The following IL12RB2 variants were observed in gnomAD, a reference collection of about 807,000 sequenced individuals.
The protein encoded by IL12RB2 is interleukin 12 receptor subunit beta 2, also known as interleukin-12 receptor subunit beta-2.
IL12RB2 carries 82 observed loss-of-function variants against 89.4 expected under a neutral mutation model. That is an observed-to-expected ratio of 0.92 (90% confidence interval 0.77 to 1.10). IL12RB2 has a LOEUF of 1.10. Among genes scored for constraint, IL12RB2 ranks in the 50% least tolerant of loss-of-function variants. The probability of loss-of-function intolerance (pLI) is 0.00; values close to 1 mark genes in which losing one functional copy is unlikely to be tolerated. For missense variants in IL12RB2, 963 were observed against 1,031.9 expected (o/e 0.93, Z 0.92); for synonymous variants, 368 against 370.1 (o/e 0.99, Z 0.07).
chr1:67,364,957 C>T (rs1662516524), intron 10 of IL12RB2, among the ~76,000 whole-genome samples: 1 of 152,176 alleles, frequency 6.6e-6, no homozygotes, highest in South Asian at 2.1e-4. Context: ...CATGCAATGT[C>T]CGCTCCCAGA....
chr1:67,374,009 A>C (rs959961790), intron 13 of IL12RB2, among the ~76,000 whole-genome samples: 2 of 152,166 alleles, frequency 1.3e-5, no homozygotes, highest in African/African-American at 4.8e-5. Context: ...TAGAAAGAAA[A>C]TTCGTCTTCC....
chr1:67,380,987 A>C (rs1406949502), intron 14 of IL12RB2, among the ~76,000 whole-genome samples: 1 of 152,228 alleles, frequency 6.6e-6, no homozygotes, highest in Non-Finnish European at 1.5e-5. Context: ...GGACTTCAAC[A>C]TACAAATTTG....
chr1:67,385,586 T>C lies in IL12RB2; in HGVS notation c.1856-993T>C, dbSNP rs543552943. On this transcript the variant is annotated intron_variant, in intron 14 of 16. Coordinates refer to ENST00000674203, the MANE Select transcript of IL12RB2 (RefSeq NM_001374259.2). ...TTCTTTAGACAGCAGAGCCATGTCC[T>C]ATTTATCTTTGTATCCCAGCACCTA... is the stretch of plus-strand genomic sequence containing the variant. Among the ~76,000 whole-genome samples the C allele has an allele frequency of 2.6e-5, 4 of 152,364 alleles. No individual in the cohort carries two copies. In the South Asian group the frequency reaches 8.3e-4, roughly 32 times the overall value.
intron 9 of IL12RB2, among the ~76,000 whole-genome samples, chr1:67,346,941 G>GTAAC (rs1473041385): frequency 2.0e-5 from 3 of 152,124 alleles, no homozygotes; most frequent in African/African-American, 4.8e-5. Context: ...TTACTTTAGA[G>GTAAC]TAACTGAGAG....
At chr1:67,310,909 C>A (rs1395747320) in intron 1 of IL12RB2, among the ~76,000 whole-genome samples, 1 of 151,994 alleles carries the variant, frequency 6.6e-6, no homozygotes, top group Non-Finnish European at 1.5e-5. Context: ...ATTTTTAGTA[C>A]AGACGGAGTT....
chr1:67,345,649 C>A (rs993594292), intron 9 of IL12RB2, among the ~76,000 whole-genome samples: 4 of 152,188 alleles, frequency 2.6e-5, no homozygotes, highest in Non-Finnish European at 4.4e-5. Context: ...ACAAAAGCAG[C>A]AGATGGCACA....
intron 3 of IL12RB2, among the ~76,000 whole-genome samples, chr1:67,321,290 G>T (rs1656482470): frequency 6.6e-6 from 1 of 152,078 alleles, no homozygotes; most frequent in Admixed American, 6.5e-5. Flanking sequence ...AGAGAGGCTG[G>T]TTTTTCCCGG....
At chr1:67,316,794 C>T (rs987161858) in intron 2 of IL12RB2, among the ~76,000 whole-genome samples, 46 of 152,318 alleles carry the variant, frequency 3.0e-4, no homozygotes, top group African/African-American at 9.1e-4. Context: ...GCCCAAGCTT[C>T]GCCTCCTGCA....
At chr1:67,318,518 A>G (rs1211981894) in intron 2 of IL12RB2, among the ~76,000 whole-genome samples, 1 of 152,104 alleles carries the variant, frequency 6.6e-6, no homozygotes, top group African/African-American at 2.4e-5. Context: ...AGAGAAGTGC[A>G]TTGATCTGTA....
At chr1:67,382,514 T>C (rs1664710914) in intron 14 of IL12RB2, among the ~76,000 whole-genome samples, 1 of 152,168 alleles carries the variant, frequency 6.6e-6, no homozygotes, top group Non-Finnish European at 1.5e-5. Flanking sequence ...CACATGGTCC[T>C]GTTTACCCAT....
chr1:67,349,685 G>A (rs950007713), intron 9 of IL12RB2, among the ~76,000 whole-genome samples: 1 of 152,148 alleles, frequency 6.6e-6, no homozygotes, highest in African/African-American at 2.4e-5. Context: ...TCACCAGAAT[G>A]GACCTGCATT....
At chr1:67,386,810 G>A in intron 15 of IL12RB2, 141 bp downstream of exon 15, 1 of 690,012 alleles carries the variant, frequency 1.4e-6, no homozygotes. Flanking sequence ...TTGGGTGACA[G>A]TATGTGTCAA....
At chr1:67,352,425 A>G (rs1660949619) in intron 10 of IL12RB2, among the ~76,000 whole-genome samples, 1 of 152,192 alleles carries the variant, frequency 6.6e-6, no homozygotes, top group African/African-American at 2.4e-5. Context: ...AAATGGTCCA[A>G]AATGGCTGCC....
At chr1:67,369,816 G>A (rs753606442) in intron 11 of IL12RB2, among the ~76,000 whole-genome samples, 9 of 152,088 alleles carry the variant, frequency 5.9e-5, no homozygotes, top group Non-Finnish European at 1.2e-4. Flanking sequence ...GAGGTCAGGA[G>A]TTCAAGACCA....
chr1:67,313,046 C>T (rs111998157), intron 1 of IL12RB2, among the ~76,000 whole-genome samples: 84 of 152,360 alleles, frequency 5.5e-4, no homozygotes, highest in African/African-American at 8.2e-4. Flanking sequence ...GCCTGATAGA[C>T]GGGCTTTTGC....
chr1:67,330,056 A>T (rs189458063), intron 7 of IL12RB2, among the ~76,000 whole-genome samples: 4 of 152,342 alleles, frequency 2.6e-5, no homozygotes, highest in Non-Finnish European at 5.9e-5. Flanking sequence ...AAAGAGAAAT[A>T]TTAAGAAATG....
At chr1:67,361,997 G>A (rs571492845) in intron 10 of IL12RB2, among the ~76,000 whole-genome samples, 5 of 152,328 alleles carry the variant, frequency 3.3e-5, no homozygotes, top group South Asian at 2.1e-4. Flanking sequence ...CAGGCCTGGC[G>A]CGGTGGCTCA....
At chr1:67,316,161 T>C (rs1266410959) in intron 2 of IL12RB2, among the ~76,000 whole-genome samples, 1 of 152,120 alleles carries the variant, frequency 6.6e-6, no homozygotes, top group Non-Finnish European at 1.5e-5. Flanking sequence ...TGCAAGGTAA[T>C]GGAGGAGATA....
At chr1:67,375,351 C>T (rs568946547) in intron 13 of IL12RB2, among the ~76,000 whole-genome samples, 1 of 152,198 alleles carries the variant, frequency 6.6e-6, no homozygotes, top group African/African-American at 2.4e-5. Flanking sequence ...GCTGAAATCG[C>T]ACCACTGCAC....
Sources: allele counts gnomAD v4.1 joint callset (sites outside exome capture counted in the v4.1 genomes callset), GRCh38; gene constraint gnomAD v4.1.1; transcripts MANE v1.5; gene names NCBI Gene and HGNC (gene_info 2026-07-23, HGNC 2026-07-21).